Variants in TSHZ2 observed in about 807,000 individuals in gnomAD.
TSHZ2 encodes teashirt homolog 2.
A neutral mutation model predicts 74.4 loss-of-function variants in TSHZ2; 21 were observed. The ratio of observed to expected loss-of-function variants is 0.28; its 90% CI spans 0.20 to 0.41. TSHZ2 has a LOEUF of 0.41. Ranked by LOEUF, TSHZ2 falls within the 10% of genes least tolerant of loss-of-function variation. TSHZ2 has a pLI of 1.00. For synonymous variants in TSHZ2, 540 were observed against 515.3 expected (o/e 1.05, Z -0.65); for missense variants, 1,244 against 1,293.5 (o/e 0.96, Z 0.59).
At chr20:53,204,288 T>C (rs548104897) in intron 1 of TSHZ2, among the ~76,000 whole-genome samples, 11 of 138,958 alleles carry the variant, frequency 7.9e-5, no homozygotes, top group African/African-American at 2.8e-4. Flanking sequence ...TATAACATGA[T>C]GATATGATAC....
chr20:53,474,198 A>G (rs1483508823), intron 2 of TSHZ2, among the ~76,000 whole-genome samples: 1 of 148,648 alleles, frequency 6.7e-6, no homozygotes, highest in Admixed American at 6.7e-5. Context: ...TCCAAGACAC[A>G]TAATTGTCAG....
chr20:53,455,496 G>A (rs1985024916), intron 2 of TSHZ2: 1 of 152,032 alleles, frequency 6.6e-6, no homozygotes, highest in Non-Finnish European at 1.5e-5. Context: ...CTGGTCTAGT[G>A]GTCATCGGGC....
At chr20:53,017,968 AC>A (rs563401052) in intron 1 of TSHZ2, among the ~76,000 whole-genome samples, 1 of 152,210 alleles carries the variant, frequency 6.6e-6, no homozygotes, top group Non-Finnish European at 1.5e-5. Context: ...CATGGAACTT[AC>A]CTAGGTGGAG....
At chr20:53,461,940 G>A (rs1985386158) in intron 2 of TSHZ2, among the ~76,000 whole-genome samples, 1 of 151,516 alleles carries the variant, frequency 6.6e-6, no homozygotes, top group African/African-American at 2.4e-5. Flanking sequence ...AATTCTAAAA[G>A]AGAGCTATGG....
intron 1 of TSHZ2, among the ~76,000 whole-genome samples, chr20:52,977,752 TA>T: frequency 6.6e-6 from 1 of 152,196 alleles, no homozygotes. Flanking sequence ...TAATCTGCCA[TA>T]TCAGGACACA....
Position 53,336,974 on chromosome 20 carries a change from C to T in TSHZ2, c.*8+80403C>T, listed in dbSNP as rs138374448. ...ATATACCTATATATGTGTATACATA[C>T]ACTCATACATTCCACACTTGAGTAA... On this transcript the variant is annotated intron_variant, in intron 2 of 2. Coordinates refer to ENST00000371497, the MANE Select transcript of TSHZ2 (RefSeq NM_173485.6). Among the ~76,000 whole-genome samples, 7 of 152,168 alleles carry T rather than the reference C, an allele frequency of 4.6e-5. No homozygotes were observed. In the East Asian group the frequency reaches 1.2e-3, roughly 25 times the overall value.
chr20:53,204,206 GAT>G, intron 1 of TSHZ2, among the ~76,000 whole-genome samples: 1 of 141,616 alleles, frequency 7.1e-6, no homozygotes, highest in African/African-American at 2.6e-5. Flanking sequence ...ATCATATGAT[GAT>G]ATGATACTAT....
intron 2 of TSHZ2, among the ~76,000 whole-genome samples, chr20:53,327,446 G>A (rs553327547): frequency 4.6e-5 from 7 of 152,308 alleles, no homozygotes; most frequent in African/African-American, 7.2e-5. Flanking sequence ...CCAAAATGGC[G>A]CCATTGCACT....
chr20:53,474,997 G>C (rs1167483459), intron 2 of TSHZ2, among the ~76,000 whole-genome samples: 1 of 138,354 alleles, frequency 7.2e-6, no homozygotes, highest in Non-Finnish European at 1.5e-5. Context: ...GGAGCACCCA[G>C]ATTCATAAAG....
intron 1 of TSHZ2, among the ~76,000 whole-genome samples, chr20:53,053,467 G>A (rs886526993): frequency 9.2e-5 from 14 of 152,052 alleles, no homozygotes; most frequent in African/African-American, 3.1e-4. Flanking sequence ...AACGGTCTAG[G>A]TAGCAGACAA....
chr20:53,266,335 G>A (rs555317562), intron 2 of TSHZ2, among the ~76,000 whole-genome samples: 2 of 152,290 alleles, frequency 1.3e-5, no homozygotes, highest in South Asian at 4.1e-4. Flanking sequence ...CAATTTGAAA[G>A]TATTTGTGCG....
At chr20:53,297,678 A>G (rs1991405432) in intron 2 of TSHZ2, among the ~76,000 whole-genome samples, 1 of 152,252 alleles carries the variant, frequency 6.6e-6, no homozygotes, top group Non-Finnish European at 1.5e-5. Context: ...TCTGGGCTCC[A>G]TCATTTATTA....
chr20:53,253,301 GAAA>G lies in TSHZ2; in HGVS notation c.41-181_41-179del, dbSNP rs11290209. ...TAAAGAATTATGACTCCTGCCAATT[GAAA>G]AAAAAAAAAAAAAAAACACTAGATG... On this transcript the variant is annotated intron_variant, in intron 1 of 2. Coordinates refer to ENST00000371497, the MANE Select transcript of TSHZ2 (RefSeq NM_173485.6). Among the ~76,000 whole-genome samples, 549 of 97,560 alleles carry G rather than the reference GAAA, an allele frequency of 5.6e-3. 2 individuals are homozygous for G. Among genetic ancestry groups the G allele is most frequent in the African/African-American group, 0.016 (477 of 29,420 alleles). The allele number at this position is 97,560 out of a possible 152,430, so 64.0% of individuals were successfully genotyped here. A position where few individuals can be genotyped will look rare whatever the true frequency, so the allele number is the denominator to read the frequency against.
Position 53,394,658 on chromosome 20 carries a change from T to G in TSHZ2, c.*9-92486T>G, listed in dbSNP as rs184111682. 2.4e-4 allele frequency among the ~76,000 whole-genome samples: 36 copies of G among 150,898 alleles called. No homozygotes were observed. The East Asian group carries it at 7.0e-3, about 29-fold the overall frequency. On this transcript the variant is annotated intron_variant, in intron 2 of 2. Transcript: ENST00000371497. ...CTTTTAACAGTTGCCTGGGCCTTAA[T>G]CTCCTTTTCCTGGCCTTATTTATAT...
intron 2 of TSHZ2, among the ~76,000 whole-genome samples, chr20:53,308,923 G>A (rs967463327): frequency 3.3e-5 from 5 of 152,192 alleles, no homozygotes; most frequent in Non-Finnish European, 5.9e-5. Context: ...TGGTTCCTGA[G>A]GCCTTGCATC....
intron 1 of TSHZ2, among the ~76,000 whole-genome samples, chr20:52,992,188 C>T (rs2122923079): frequency 6.6e-6 from 1 of 152,260 alleles, no homozygotes; most frequent in Non-Finnish European, 1.5e-5. Flanking sequence ...AGGGATTCAT[C>T]TTAGGAATTG....
chr20:53,118,298 T>C (rs1003128710), intron 1 of TSHZ2, among the ~76,000 whole-genome samples: 2 of 151,522 alleles, frequency 1.3e-5, no homozygotes, highest in African/African-American at 4.9e-5. Flanking sequence ...GGAAGAAGAG[T>C]TAAAATATGA....
intron 2 of TSHZ2, among the ~76,000 whole-genome samples, chr20:53,469,188 T>C (rs1394938223): frequency 2.0e-5 from 3 of 150,750 alleles, no homozygotes; most frequent in Non-Finnish European, 4.4e-5. Flanking sequence ...CTCTGTAATA[T>C]TGGATACCTT....
At chr20:53,043,926 G>T (rs891483147) in intron 1 of TSHZ2, among the ~76,000 whole-genome samples, 1 of 148,854 alleles carries the variant, frequency 6.7e-6, no homozygotes, top group Admixed American at 6.6e-5. Context: ...GAGACTCAAA[G>T]AAAAAGCACT....
Sources: allele counts gnomAD v4.1 joint callset (sites outside exome capture counted in the v4.1 genomes callset), GRCh38; gene constraint gnomAD v4.1.1; transcripts MANE v1.5; gene names NCBI Gene and HGNC (gene_info 2026-07-23, HGNC 2026-07-21).